Variants in LYSMD4 observed in about 807,000 individuals in gnomAD.
The protein encoded by LYSMD4 is lysM and putative peptidoglycan-binding domain-containing protein 4.
In LYSMD4, 9 loss-of-function variants were observed where a neutral mutation model predicts 6.1. That is an observed-to-expected ratio of 1.47 (90% confidence interval 0.88 to 2.56). The LOEUF is 2.56. Ranked by LOEUF, LYSMD4 falls within the 30% of genes most tolerant of loss-of-function variation. LYSMD4 has a pLI of 0.00. For synonymous variants in LYSMD4, 143 were observed against 148.5 expected (o/e 0.96, Z 0.27); for missense variants, 384 against 373.5 (o/e 1.03, Z -0.23).
downstream of LYSMD4, among the ~76,000 whole-genome samples, chr15:99,726,736 A>G (rs1250206864): frequency 6.6e-6 from 1 of 152,162 alleles, no homozygotes; most frequent in Admixed American, 6.5e-5. Context: ...TAGTTCAACC[A>G]AAAAGACTGG....
chr15:99,725,623 C>T (rs2059272112), downstream of LYSMD4, among the ~76,000 whole-genome samples: 1 of 152,124 alleles, frequency 6.6e-6, no homozygotes, highest in Admixed American at 6.5e-5. Context: ...AGAAAATGGG[C>T]AGGTAAATGC....
In LYSMD4 at chr15:99,733,352, C is replaced by G. The variant is rs2059472323; in HGVS notation, c.-16G>C. 1 of 394,284 alleles carries G rather than the reference C, an allele frequency of 2.5e-6. No homozygotes were observed. The highest frequency in any genetic ancestry group is 1.3e-4 in the South Asian group (1 of 7,844). 24.4% of individuals were successfully genotyped at this position (394,284 alleles called of 1,614,324 possible). ...TCGTCCAGGCCCCGGTACCTCAGCGCCCAGGCTCCGCCGCGACCGGCGACC... is the reference window on the plus strand; with the variant it reads ...TCGTCCAGGCCCCGGTACCTCAGCGGCCAGGCTCCGCCGCGACCGGCGACC... On this transcript the variant is annotated 5_prime_UTR_variant, in exon 1 of 3. Transcript: ENST00000684762.
At chr15:99,726,621 C>A (rs1291944171), downstream of LYSMD4, among the ~76,000 whole-genome samples, 1 of 152,126 alleles carries the variant, frequency 6.6e-6, no homozygotes, top group East Asian at 1.9e-4. Flanking sequence ...TTCTGGGTGA[C>A]CCTGAGGTGT....
intron 2 of LYSMD4, among the ~76,000 whole-genome samples, chr15:99,730,122 C>A (rs1021284241): frequency 3.3e-5 from 5 of 152,318 alleles, no homozygotes; most frequent in Admixed American, 1.3e-4. Flanking sequence ...ATAGTGCCCC[C>A]ATCTGCCTGC....
chr15:99,726,871 G>T (rs2059287591), downstream of LYSMD4, among the ~76,000 whole-genome samples: 2 of 152,138 alleles, frequency 1.3e-5, no homozygotes, highest in Non-Finnish European at 1.5e-5. Flanking sequence ...CAATATTAAA[G>T]CCTGTATACA....
intron 1 of LYSMD4, chr15:99,732,906 G>A (rs1159899666): frequency 6.4e-6 from 1 of 156,064 alleles, no homozygotes; most frequent in Non-Finnish European, 1.4e-5. Context: ...GCGGCCGGCG[G>A]TCCTCGGGGG....
upstream of LYSMD4, among the ~76,000 whole-genome samples, chr15:99,718,057 TA>T (rs978791889): frequency 3.9e-5 from 6 of 152,242 alleles, no homozygotes; most frequent in Admixed American, 3.3e-4. Flanking sequence ...TTTAACTAAA[TA>T]CCTTACTTGA....
downstream of LYSMD4, among the ~76,000 whole-genome samples, chr15:99,726,696 A>G (rs971931229): frequency 5.3e-5 from 8 of 152,108 alleles, no homozygotes; most frequent in African/African-American, 1.9e-4. Flanking sequence ...TTGACAATGG[A>G]GATTCCTTGG....
chr15:99,716,974 C>T (rs1156751146), exon 1 of LYSMD4: 4 of 287,400 alleles, frequency 1.4e-5, no homozygotes, highest in South Asian at 1.3e-4. Flanking sequence ...GATGTGCTGG[C>T]ATGAATTGAG....
At chr15:99,732,382 ATCT>A (rs2059440431) in intron 1 of LYSMD4, among the ~76,000 whole-genome samples, 1 of 152,218 alleles carries the variant, frequency 6.6e-6, no homozygotes, top group African/African-American at 2.4e-5. Flanking sequence ...CGCACTCAGA[ATCT>A]TCAACTCAGA....
chr15:99,722,078 G>A (rs564959472), upstream of LYSMD4, among the ~76,000 whole-genome samples: 54 of 152,194 alleles, frequency 3.5e-4, no homozygotes, highest in Middle Eastern at 6.8e-3. Context: ...TGAGAAAACC[G>A]CAGAGTCAAG....
rs2059429490 is a variant in LYSMD4 at position 99,731,958 on chromosome 15, T to TG, written c.41dup (p.Ala15SerfsTer15). On this transcript the variant is annotated frameshift_variant, in exon 2 of 3. Coordinates refer to ENST00000684762, the MANE Select transcript of LYSMD4 (RefSeq NM_001284417.2). LOFTEE classifies it high-confidence loss of function. ...TGGTCGGAGTCCCACACACAACAGC[T>TG]GGGCCTTGGAAGGTCTTGGTTAACA... is the stretch of plus-strand genomic sequence containing the variant. 1 of 1,606,378 alleles carries TG rather than the reference T, an allele frequency of 6.2e-7. No homozygotes were observed. The highest frequency in any genetic ancestry group is 1.3e-5 in the African/African-American group (1 of 74,870).
exon 1 of LYSMD4, chr15:99,716,250 C>T (rs1247449640): frequency 6.0e-6 from 2 of 332,004 alleles, no homozygotes; most frequent in Admixed American, 8.0e-5. Context: ...AAGCTGTACA[C>T]GGTTTGATCA....
chr15:99,725,052 A>C (rs12902114), downstream of LYSMD4, among the ~76,000 whole-genome samples: 141,063 of 152,240 alleles, frequency 0.93, 65,848 homozygotes, highest in Non-Finnish European at 0.99. Context: ...ACCAGCCATA[A>C]CCTGTCTCTG....
In LYSMD4 at chr15:99,729,711, G is replaced by A. The variant is rs775125541; in HGVS notation, c.303C>T (p.Val101=). The A allele has an allele frequency of 6.2e-7, 1 of 1,609,164 alleles. No homozygotes were observed. Among genetic ancestry groups the A allele is most frequent in the South Asian group, 1.1e-5 (1 of 90,944 alleles). ...YGCKVADIKK[V]NNFIREQDLY... is the part of the protein sequence containing the mutation. ...AGTCTTGTTCTCTGATGAAGTTGTT[G>A]ACTTTCTTGATATCTGCAACCTAGG... Residue 101 remains valine, a synonymous_variant, in exon 3 of 3, where the codon GTC becomes GTT. Coordinates refer to ENST00000684762, the MANE Select transcript of LYSMD4 (RefSeq NM_001284417.2).
Position 99,729,545 on chromosome 15 carries a change from C to T in LYSMD4, c.469G>A (p.Ala157Thr), listed in dbSNP as rs755359414. 9.0e-5 allele frequency: 145 copies of T among 1,614,018 alleles called. No individual in the cohort carries two copies. The highest frequency in any genetic ancestry group is 1.1e-4 in the Non-Finnish European group (135 of 1,180,038). Residue 157 changes from alanine (A) to threonine (T), a missense_variant, in exon 3 of 3, where the codon GCG (alanine) becomes ACG (threonine). Ala to Thr is a moderately conservative substitution (Grantham distance 58). Transcript: ENST00000684762. Reference sequence around the variant, plus strand: ...TGGCCGGCCTGGGCACCGGTGCCCGCGCCTGCTCTGTCTGCCTCTGGCAGT... The same window carrying T: ...TGGCCGGCCTGGGCACCGGTGCCCGTGCCTGCTCTGTCTGCCTCTGGCAGT... Reference protein sequence around the residue: ...VELPEADRAGAGTGAQAGQLM... With the variant: ...VELPEADRAGTGTGAQAGQLM...
chr15:99,728,332 A>T lies in LYSMD4; in HGVS notation c.*791T>A, dbSNP rs567121804. ...GTGACAGGCACTCATCCTCCCCTCC[A>T]AACACTGGCCAGCAAGAGCTCCTTC... On this transcript the variant is annotated 3_prime_UTR_variant, in exon 3 of 3. Coordinates refer to ENST00000684762, the MANE Select transcript of LYSMD4 (RefSeq NM_001284417.2). The T allele has an allele frequency of 1.4e-4, 21 of 152,546 alleles. No homozygotes were observed. Among genetic ancestry groups the T allele is most frequent in the Non-Finnish European group, 2.0e-4 (14 of 68,350 alleles). The allele number at this position is 152,546 out of a possible 1,614,324, so 9.4% of individuals were successfully genotyped here.
upstream of LYSMD4, among the ~76,000 whole-genome samples, chr15:99,722,238 C>T (rs971162812): frequency 6.6e-6 from 1 of 152,076 alleles, no homozygotes; most frequent in African/African-American, 2.4e-5. Context: ...CCTCCTAAAG[C>T]ACACAGCATT....
intron 1 of LYSMD4, among the ~76,000 whole-genome samples, chr15:99,732,329 T>G (rs1279112043): frequency 6.6e-6 from 1 of 152,224 alleles, no homozygotes; most frequent in Non-Finnish European, 1.5e-5. Flanking sequence ...AGTAGTAAGT[T>G]GAGATCCTTG....
Sources: allele counts gnomAD v4.1 joint callset (sites outside exome capture counted in the v4.1 genomes callset), GRCh38; gene constraint gnomAD v4.1.1; transcripts MANE v1.5; gene names NCBI Gene and HGNC (gene_info 2026-07-23, HGNC 2026-07-21).